The following TNIP1 variants were observed in gnomAD, a reference collection of about 807,000 sequenced individuals.
TNIP1 encodes the protein TNFAIP3-interacting protein 1.
A neutral mutation model predicts 86.6 loss-of-function variants in TNIP1; 22 were observed. That is an observed-to-expected ratio of 0.25 (90% confidence interval 0.18 to 0.36). TNIP1 has a LOEUF of 0.36. Ranked by LOEUF, TNIP1 falls within the 10% of genes least tolerant of loss-of-function variation. The pLI is 1.00. For missense variants in TNIP1, 709 were observed against 820.6 expected, an observed-to-expected ratio of 0.86 and a Z score of 1.66; for synonymous variants, 294 against 313.0, an observed-to-expected ratio of 0.94 and a Z score of 0.64.
intron 5 of TNIP1, among the ~76,000 whole-genome samples, chr5:151,058,846 G>A (rs550497898): frequency 2.4e-4 from 36 of 152,268 alleles, no homozygotes; most frequent in South Asian, 1.5e-3. Context: ...TTCCTGACTC[G>A]CCATCCAGTG....
chr5:151,032,346 C>T lies in TNIP1; in HGVS notation c.1817G>A (p.Arg606Gln), dbSNP rs757428683. ...YTWRLPCGGV[R>Q]NPNQSSQVMD... ...CACTTGGGAGCTCTGATTTGGATTT[C>T]GAACCCCTCCACAGGGTAGACGCCA... Residue 606 changes from arginine to glutamine, a missense_variant, in exon 17 of 18, where the codon CGA becomes CAA. Transcript: ENST00000521591. 8.7e-6 allele frequency: 14 copies of T among 1,613,976 alleles called. No homozygotes were observed. The highest frequency in any genetic ancestry group is 4.5e-5 in the East Asian group (2 of 44,900).
At chr5:151,068,625 C>G (rs1300363054) in intron 1 of TNIP1, among the ~76,000 whole-genome samples, 6 of 152,198 alleles carry the variant, frequency 3.9e-5, no homozygotes, top group Non-Finnish European at 7.3e-5. Context: ...TCATCTGATT[C>G]TCACTCACGG....
At chr5:151,049,586 C>A (rs1042712631) in intron 8 of TNIP1, among the ~76,000 whole-genome samples, 1 of 152,174 alleles carries the variant, frequency 6.6e-6, no homozygotes, top group Non-Finnish European at 1.5e-5. Context: ...GCTGAAGGAA[C>A]TGGAGCTATT....
At chr5:151,060,191 G>A (rs1366235733) in intron 5 of TNIP1, 127 bp downstream of exon 5, 14 of 925,030 alleles carry the variant, frequency 1.5e-5, no homozygotes, top group South Asian at 2.9e-5. Context: ...CCTGCCCCTC[G>A]TGTATCCCCA....
intron 8 of TNIP1, among the ~76,000 whole-genome samples, chr5:151,046,525 G>T (rs1759191335): frequency 6.6e-6 from 1 of 152,184 alleles, no homozygotes; most frequent in African/African-American, 2.4e-5. Context: ...GCAGCACTGA[G>T]CAAACCTAGT....
intron 16 of TNIP1, 85 bp downstream of exon 16, chr5:151,033,523 A>G: frequency 1.1e-6 from 1 of 942,376 alleles, no homozygotes. Context: ...GCAGTTTCTG[A>G]ACCCCTCACT....
At chr5:151,062,654 A>G (rs1761729543) in intron 3 of TNIP1, among the ~76,000 whole-genome samples, 1 of 152,174 alleles carries the variant, frequency 6.6e-6, no homozygotes, top group Non-Finnish European at 1.5e-5. Flanking sequence ...CTCAGGACTG[A>G]GACTTGGCCC....
At chr5:151,071,805 G>GC (rs994704973) in intron 1 of TNIP1, among the ~76,000 whole-genome samples, 3 of 151,840 alleles carry the variant, frequency 2.0e-5, no homozygotes, top group African/African-American at 7.3e-5. Flanking sequence ...CACAAAGAAG[G>GC]CCCCACTGTC....
In TNIP1 at chr5:151,036,573, T is replaced by C. The variant is rs114254309; in HGVS notation, c.1395+217A>G. On this transcript the variant is annotated intron_variant, in intron 13 of 17. Coordinates refer to ENST00000521591, the MANE Select transcript of TNIP1 (RefSeq NM_006058.5). Reference sequence around the variant, plus strand: ...GGTAAATAATAGCACGTGTGGGGCATAGAGATGGCTAAATCATAAAGGTGG... The same window carrying C: ...GGTAAATAATAGCACGTGTGGGGCACAGAGATGGCTAAATCATAAAGGTGG... Among the ~76,000 whole-genome samples the C allele has an allele frequency of 3.6e-3, 543 of 152,326 alleles. 2 individuals carry two copies. Among genetic ancestry groups the C allele is most frequent in the African/African-American group, 0.013 (530 of 41,554 alleles).
chr5:151,070,549 A>G (rs762620058), intron 1 of TNIP1, among the ~76,000 whole-genome samples: 2 of 152,200 alleles, frequency 1.3e-5, no homozygotes, highest in Non-Finnish European at 2.9e-5. Flanking sequence ...GCTAGTGAAC[A>G]TGTAGCTATA....
At chr5:151,048,997 T>C (rs997646931) in intron 8 of TNIP1, among the ~76,000 whole-genome samples, 2 of 152,160 alleles carry the variant, frequency 1.3e-5, no homozygotes, top group Non-Finnish European at 2.9e-5. Context: ...GCCTACTCTA[T>C]AGGTAGAGAT....
In TNIP1 at chr5:151,035,666, A is replaced by G; in HGVS notation, c.1437T>C (p.Asp479=). The G allele has an allele frequency of 6.2e-7, 1 of 1,614,068 alleles. No homozygotes were observed. The highest frequency in any genetic ancestry group is 8.5e-7 in the Non-Finnish European group (1 of 1,180,004). ...FEEDFQRERS[D]RERMNEEKEE... ...CCTTCTCCTCATTCATGCGCTCACG[A>G]TCACTGCGCTCCCTCTGGAAGTCCT... Residue 479 remains aspartate (D), a synonymous_variant, in exon 14 of 18, where the codon GAT becomes GAC. Coordinates refer to ENST00000521591, the MANE Select transcript of TNIP1 (RefSeq NM_006058.5).
At chr5:151,073,484 G>A (rs897423387) in intron 1 of TNIP1, among the ~76,000 whole-genome samples, 5 of 151,960 alleles carry the variant, frequency 3.3e-5, no homozygotes, top group African/African-American at 1.2e-4. Context: ...AAAGAATGGG[G>A]TAGATTGCTT....
intron 15 of TNIP1, 23 bp from the exon 16 acceptor site, chr5:151,033,822 G>C: frequency 7.3e-7 from 1 of 1,375,496 alleles, no homozygotes; most frequent in Non-Finnish European, 9.4e-7. Flanking sequence ...CTGACGTCTG[G>C]CTTTGGCCTG....
chr5:151,069,902 T>A (rs752031743), intron 1 of TNIP1, among the ~76,000 whole-genome samples: 1 of 152,116 alleles, frequency 6.6e-6, no homozygotes, highest in African/African-American at 2.4e-5. Context: ...TCTCAGGAGC[T>A]AGCAGCAAGC....
At chr5:151,050,698 A>G (rs1032802989) in intron 7 of TNIP1, among the ~76,000 whole-genome samples, 4 of 152,032 alleles carry the variant, frequency 2.6e-5, no homozygotes, top group African/African-American at 4.8e-5. Flanking sequence ...CAGTGGCCCA[A>G]TCTCGGCTCA....
intron 5 of TNIP1, among the ~76,000 whole-genome samples, chr5:151,059,828 A>AGAGAGAGGGT (rs1554076446): frequency 1.8e-5 from 1 of 56,398 alleles, no homozygotes; most frequent in African/African-American, 8.5e-5. Flanking sequence ...AGAGAGAGAG[A>AGAGAGAGGGT]GTGTGTGTGT....
chr5:151,084,626 C>T (rs1764211162), upstream of TNIP1, among the ~76,000 whole-genome samples: 1 of 152,132 alleles, frequency 6.6e-6, no homozygotes, highest in Non-Finnish European at 1.5e-5. Context: ...CCACATACCC[C>T]ACTGATAGGA....
chr5:151,046,032 TC>T, intron 8 of TNIP1, 82 bp from the exon 9 acceptor site: 1 of 1,363,754 alleles, frequency 7.3e-7, no homozygotes. Flanking sequence ...CTAAGACCCC[TC>T]ACCCAAGTGG....
Sources: gnomAD v4.1 joint callset for allele counts (sites outside exome capture counted in the v4.1 genomes callset) on GRCh38, gnomAD v4.1.1 for gene constraint, MANE v1.5 for transcripts, NCBI Gene and HGNC (gene_info 2026-07-23, HGNC 2026-07-21) for gene names.